PATZ1: variants seen among roughly 807,000 people sequenced by gnomAD.
The protein encoded by PATZ1 is POZ-, AT hook-, and zinc finger-containing protein 1.
In PATZ1, 9 loss-of-function variants were observed where a neutral mutation model predicts 46.2. The ratio of observed to expected loss-of-function variants is 0.19; its 90% confidence interval spans 0.12 to 0.34. PATZ1 has a LOEUF of 0.34. Ranked by LOEUF, PATZ1 falls within the 10% of genes least tolerant of loss-of-function variation. PATZ1 has a pLI of 1.00. For missense variants in PATZ1, 632 were observed against 923.0 expected (o/e 0.68, Z 4.08); for synonymous variants, 426 against 378.6 (o/e 1.13, Z -1.45).
intron 2 of PATZ1, among the ~76,000 whole-genome samples, chr22:31,342,530 G>A (rs547176790): frequency 4.7e-4 from 71 of 152,252 alleles, no homozygotes; most frequent in African/African-American, 1.7e-3. Flanking sequence ...CCTACAAACT[G>A]CTGGAAACCA....
At position 31,328,671 on chromosome 22, in the gene PATZ1, A is replaced by T; in HGVS notation, c.1645+116T>A. On this transcript the variant is annotated intron_variant, in intron 4 of 4. Transcript: ENST00000266269. The surrounding 1 kb of genome is among the most constrained non-coding windows in gnomAD (Gnocchi z 4.8). ...GAGGCCACTGCCACTCAGATCTCTG[A>T]GTCTCCTCAAGGCAGCCAGAAAGCC... is the stretch of plus-strand genomic sequence containing the variant. 1 of 879,570 alleles carries T rather than the reference A, an allele frequency of 1.1e-6. No individual in the cohort carries two copies. Among genetic ancestry groups the T allele is most frequent in the Non-Finnish European group, 1.9e-6 (1 of 538,522 alleles). 54.5% of individuals were successfully genotyped at this position (879,570 alleles called of 1,614,324 possible). A position where few individuals can be genotyped will look rare whatever the true frequency, so the allele number is the denominator to read the frequency against.
Position 31,328,718 on chromosome 22 carries a change from C to A in PATZ1, c.1645+69G>T. On this transcript the variant is annotated intron_variant, in intron 4 of 4. Transcript: ENST00000266269. This position sits in a 1 kb window ranked among gnomAD's most constrained non-coding sequence, Gnocchi z 4.8. ...AGCCGGCAGCCTTCCCGCCTCCCCA[C>A]GCCCAGCCCAGCGCCCCCACAACAC... 4.0e-6 allele frequency: 6 copies of A among 1,488,778 alleles called. No individual in the cohort carries two copies. Among genetic ancestry groups the A allele is most frequent in the South Asian group, 2.3e-5 (2 of 88,126 alleles). 92.2% of individuals were successfully genotyped at this position (1,488,778 alleles called of 1,614,324 possible). A position where few individuals can be genotyped will look rare whatever the true frequency, so the allele number is the denominator to read the frequency against.
In PATZ1 at chr22:31,344,778, C is replaced by T. The variant is rs1301207008; in HGVS notation, c.825G>A (p.Leu275=). 5.0e-6 allele frequency: 8 copies of T among 1,609,220 alleles called. No homozygotes were observed. In the Admixed American group the frequency reaches 1.3e-4, roughly 27 times the overall value. The change falls in exon 1 of 5, where the codon CTG becomes CTA. Residue 275 remains leucine, a synonymous_variant. Transcript: ENST00000266269. ...CTGGGGACCCAAACATTGAGTCCAG[C>T]AGGTTGGCCTTCCTTGGGCGGCCCC... ...RGRGRPRKAN[L]LDSMFGSPGG... is the part of the protein sequence containing the mutation.
intron 3 of PATZ1, chr22:31,335,303 C>G (rs1291075311): frequency 5.9e-6 from 1 of 168,880 alleles, no homozygotes; most frequent in Non-Finnish European, 1.3e-5. Flanking sequence ...AGCAAAAGCT[C>G]TCAAGCCGGA....
At chr22:31,329,156 G>A (rs1048858343) in intron 3 of PATZ1, among the ~76,000 whole-genome samples, 3 of 152,230 alleles carry the variant, frequency 2.0e-5, no homozygotes, top group Non-Finnish European at 4.4e-5. Flanking sequence ...GCAAGGCTGC[G>A]GTGAGGGGCT....
At chr22:31,344,187 G>A (rs2049618993) in intron 1 of PATZ1, 145 bp downstream of exon 1, 4 of 707,570 alleles carry the variant, frequency 5.7e-6, no homozygotes, top group Non-Finnish European at 7.0e-6. Context: ...CAAAATAAGG[G>A]CCCTTAAAAA....
chr22:31,345,715 G>A lies in PATZ1; in HGVS notation c.-113C>T, dbSNP rs147905087. 2,129 of 1,083,740 alleles carry A rather than the reference G, an allele frequency of 2.0e-3. 5 individuals carry two copies. Among genetic ancestry groups the A allele is most frequent in the Non-Finnish European group, 2.4e-3 (1,843 of 779,644 alleles). 67.1% of individuals were successfully genotyped at this position (1,083,740 alleles called of 1,614,324 possible). A position where few individuals can be genotyped will look rare whatever the true frequency, so the allele number is the denominator to read the frequency against. On this transcript the variant is annotated 5_prime_UTR_variant, in exon 1 of 5. Transcript: ENST00000266269. This position sits in a 1 kb window ranked among gnomAD's most constrained non-coding sequence, Gnocchi z 7.4. ...GTGTCCACACTCCCCACACGTGCCG[G>A]CCCGAGGCTCTGTAGTCTCGCAGGT...
Position 31,328,708 on chromosome 22 carries a change from C to T in PATZ1, c.1645+79G>A, listed in dbSNP as rs1476952956. 50 of 1,381,468 alleles carry T rather than the reference C, an allele frequency of 3.6e-5. No homozygotes were observed. Among genetic ancestry groups the T allele is most frequent in the Non-Finnish European group, 4.8e-5 (47 of 973,834 alleles). 85.6% of individuals were successfully genotyped at this position (1,381,468 alleles called of 1,614,324 possible). The stretch of plus-strand genomic sequence containing the variant: ...GCAGCCAGAAAGCCGGCAGCCTTCC[C>T]GCCTCCCCACGCCCAGCCCAGCGCC... On this transcript the variant is annotated intron_variant, in intron 4 of 4. Transcript: ENST00000266269. The surrounding 1 kb of genome is among the most constrained non-coding windows in gnomAD (Gnocchi z 4.8).
Position 31,345,010 on chromosome 22 carries a change from T to C in PATZ1, c.593A>G (p.Asn198Ser), listed in dbSNP as rs775093394. 6.2e-7 allele frequency: 1 copy of C among 1,614,088 alleles called. No homozygotes were observed. The highest frequency in any genetic ancestry group is 2.2e-5 in the East Asian group (1 of 44,882). The stretch of plus-strand genomic sequence containing the variant: ...CATGCTGCCGGCGATGCCATTGCTG[T>C]TGGCTGCCAAGGCTGCCCCGTTGGT... ...DMTNGAALAA[N>S]SNGIAGSMQP... Residue 198 changes from asparagine (N) to serine (S), a missense_variant, in exon 1 of 5, where the codon AAC (asparagine) becomes AGC (serine). Physicochemically the swap from Asn to Ser is conservative, Grantham distance 46 (BLOSUM62 1). Coordinates refer to ENST00000266269, the MANE Select transcript of PATZ1 (RefSeq NM_014323.3). This position sits in a 1 kb window ranked among gnomAD's most constrained non-coding sequence, Gnocchi z 7.4.
intron 3 of PATZ1, among the ~76,000 whole-genome samples, chr22:31,333,916 G>A (rs1043527571): frequency 6.6e-6 from 1 of 152,164 alleles, no homozygotes; most frequent in Non-Finnish European, 1.5e-5. Context: ...CTCCTCCTGA[G>A]CTGGGCTTCA....
chr22:31,328,529 C>G lies in PATZ1; in HGVS notation c.1645+258G>C, dbSNP rs1196793547. On this transcript the variant is annotated intron_variant, in intron 4 of 4. Transcript: ENST00000266269. The surrounding 1 kb of genome is among the most constrained non-coding windows in gnomAD (Gnocchi z 4.8). Reference sequence around the variant, plus strand: ...CCTGCAGGGCTCCAGACAGTGGGGGCTGGCCAGGAGGAAAGGAGGAGGGCT... The same window carrying G: ...CCTGCAGGGCTCCAGACAGTGGGGGGTGGCCAGGAGGAAAGGAGGAGGGCT... Among the ~76,000 whole-genome samples the G allele has an allele frequency of 6.6e-6, 1 of 152,140 alleles. No individual in the cohort carries two copies. Among genetic ancestry groups the G allele is most frequent in the Admixed American group, 6.5e-5 (1 of 15,274 alleles).
chr22:31,335,911 A>G (rs2049503451), intron 2 of PATZ1, 48 bp from the exon 3 acceptor site: 1 of 1,549,336 alleles, frequency 6.5e-7, no homozygotes, highest in Admixed American at 1.7e-5. Flanking sequence ...AGCACCCCAC[A>G]CCTGACTCCC....
At chr22:31,329,431 G>A (rs982120019) in intron 3 of PATZ1, among the ~76,000 whole-genome samples, 3 of 152,154 alleles carry the variant, frequency 2.0e-5, no homozygotes, top group South Asian at 2.1e-4. Flanking sequence ...CCAAAGGAAC[G>A]CCTCCAAGGA....
chr22:31,328,752 C>T lies in PATZ1; in HGVS notation c.1645+35G>A. ...CAGCGCCCCCACAACACAGTCTGCG[C>T]AGAGAAGCAAAGTGCAGAGCAAGGG... On this transcript the variant is annotated intron_variant, in intron 4 of 4. Transcript: ENST00000266269. The surrounding 1 kb of genome is among the most constrained non-coding windows in gnomAD (Gnocchi z 4.8). The T allele has an allele frequency of 1.2e-6, 2 of 1,606,464 alleles. No homozygotes were observed. The highest frequency in any genetic ancestry group is 1.7e-6 in the Non-Finnish European group (2 of 1,174,740).
Position 31,345,380 on chromosome 22 carries a change from C to T in PATZ1, c.223G>A (p.Gly75Ser). 1.9e-6 allele frequency: 3 copies of T among 1,607,552 alleles called. No individual in the cohort carries two copies. Among genetic ancestry groups the T allele is most frequent in the Non-Finnish European group, 2.6e-6 (3 of 1,175,732 alleles). ...CCCCCGTCCGCAGCTCCGCCGTCGC[C>T]CAACTGGGCGCTGAACACCGACTCA... ...YFESVFSAQL[G>S]DGGAADGGPA... is the part of the protein sequence containing the mutation. The change falls in exon 1 of 5, where the codon GGC (glycine) becomes AGC (serine). Residue 75 changes from glycine (G) to serine (S), a missense_variant. Around this residue, in one of 7 missense-constraint regions of PATZ1, gnomAD observed 62 missense variants for 67.9 expected, o/e 0.91. Transcript: ENST00000266269. The surrounding 1 kb of genome is among the most constrained non-coding windows in gnomAD (Gnocchi z 7.4).
At chr22:31,343,744 G>A (rs564093274) in intron 1 of PATZ1, among the ~76,000 whole-genome samples, 1 of 152,322 alleles carries the variant, frequency 6.6e-6, no homozygotes, top group South Asian at 2.1e-4. Flanking sequence ...GTCCCATTAG[G>A]CTCTAGAGCT....
rs1569022044 is a variant in PATZ1 at position 31,325,804 on chromosome 22, T to G, written c.*1087A>C. ...GAAAAACTGGACTCAAGGGAGCAGA[T>G]AGAGTAATGTACTAACATTTTTAAT... On this transcript the variant is annotated 3_prime_UTR_variant, in exon 5 of 5. Transcript: ENST00000266269. 2.7e-5 allele frequency: 5 copies of G among 183,598 alleles called. No individual in the cohort carries two copies. The highest frequency in any genetic ancestry group is 1.2e-4 in the African/African-American group (5 of 42,484). The allele number at this position is 183,598 out of a possible 1,614,324, so 11.4% of individuals were successfully genotyped here.
chr22:31,331,884 G>A (rs1006407727), intron 3 of PATZ1, among the ~76,000 whole-genome samples: 1 of 152,158 alleles, frequency 6.6e-6, no homozygotes, highest in Non-Finnish European at 1.5e-5. Context: ...GCCGAGGCAG[G>A]CAGATCACCT....
At chr22:31,330,013 T>G (rs901107875) in intron 3 of PATZ1, among the ~76,000 whole-genome samples, 1 of 152,226 alleles carries the variant, frequency 6.6e-6, no homozygotes, top group Non-Finnish European at 1.5e-5. Flanking sequence ...ATCAGGTGTT[T>G]CCATTCACTT....
Sources: gnomAD v4.1 joint callset for allele counts (sites outside exome capture counted in the v4.1 genomes callset) on GRCh38, gnomAD v4.1.1 for gene constraint, gnomAD v4.1.1 regional missense constraint, Gnocchi (gnomAD v3.1) non-coding constraint, MANE v1.5 for transcripts, NCBI Gene and HGNC (gene_info 2026-07-23, HGNC 2026-07-21) for gene names.